TAF1: variants seen among roughly 807,000 people sequenced by gnomAD.
TAF1 encodes transcription initiation factor TFIID subunit 1.
TAF1 carries 2 observed loss-of-function variants against 138.5 expected under a neutral mutation model. The ratio of observed to expected loss-of-function variants is 0.01; its 90% CI spans 0.01 to 0.05. The LOEUF (loss-of-function observed/expected upper bound fraction) is 0.05. TAF1 is among the 10% of genes least tolerant of loss of function. The pLI, the probability that TAF1 is intolerant of heterozygous loss-of-function variation, is 1.00. For synonymous variants in TAF1, 437 were observed against 503.2 expected, an observed-to-expected ratio of 0.87 and a Z score of 1.76; for missense variants, 709 against 1,478.0, an observed-to-expected ratio of 0.48 and a Z score of 8.53.
chrX:71,452,781 G>C lies in TAF1; in HGVS notation c.4754-1389G>C, dbSNP rs780763312. On this transcript the variant is annotated intron_variant, in intron 32 of 37. Coordinates refer to ENST00000423759, the MANE Select transcript of TAF1 (RefSeq NM_004606.5). ...TCCAGCCTGGGCACCATTGAGCACT[G>C]AGTTAACGAGGCTCCGTCTGCAATC... Among the ~76,000 whole-genome samples the C allele has an allele frequency of 2.7e-5, 3 of 112,392 alleles. No homozygotes were observed. The East Asian group carries it at 8.4e-4, about 32-fold the overall frequency.
chrX:71,372,213 C>T (rs2033109220), intron 3 of TAF1, among the ~76,000 whole-genome samples: 1 of 110,449 alleles, frequency 9.1e-6, no homozygotes, highest in Non-Finnish European at 1.9e-5. Context: ...GGACGGATAA[C>T]TTGAGGTCAG....
chrX:71,486,908 A>G (rs1047318479), intron 13 of TAF1, among the ~76,000 whole-genome samples: 1 of 106,027 alleles, frequency 9.4e-6, no homozygotes, highest in Non-Finnish European at 1.9e-5. Flanking sequence ...AATTTTGTTG[A>G]TCTTGGAATC....
At chrX:71,399,284 TCTCA>T (rs1318874804) in intron 24 of TAF1, among the ~76,000 whole-genome samples, 7 of 82,622 alleles carry the variant, frequency 8.5e-5, no homozygotes, top group East Asian at 3.6e-4. Flanking sequence ...TGAAACAGAG[TCTCA>T]CTCTGTTGCC....
intron 29 of TAF1, among the ~76,000 whole-genome samples, chrX:71,422,896 C>A (rs952108970): frequency 3.6e-5 from 4 of 110,598 alleles, no homozygotes; most frequent in Non-Finnish European, 5.7e-5. Flanking sequence ...CCCGCCACCA[C>A]GCCCAGCTAG....
chrX:71,426,987 A>G (rs1210967518), intron 32 of TAF1, among the ~76,000 whole-genome samples: 18 of 112,241 alleles, frequency 1.6e-4, no homozygotes, highest in Admixed American at 1.4e-3. Context: ...CCACATGATT[A>G]TAAGACTTTT....
At chrX:71,430,039 A>G (rs1474117736) in intron 32 of TAF1, among the ~76,000 whole-genome samples, 1 of 111,946 alleles carries the variant, frequency 8.9e-6, no homozygotes, top group African/African-American at 3.2e-5. Flanking sequence ...TGTAATTGCA[A>G]AAACATGGAG....
At chrX:71,402,444 C>T (rs983203925) in intron 25 of TAF1, among the ~76,000 whole-genome samples, 1 of 111,593 alleles carries the variant, frequency 9.0e-6, no homozygotes, top group African/African-American at 3.3e-5. Context: ...GACAGGGTTT[C>T]GCCATGCTGG....
intron 8 of TAF1, among the ~76,000 whole-genome samples, chrX:71,380,549 C>T (rs2033814284): frequency 1.8e-5 from 2 of 110,711 alleles, no homozygotes; most frequent in Non-Finnish European, 3.8e-5. Context: ...AGGGGCATGC[C>T]ACCACGTCTG....
chrX:71,464,196 G>A lies in TAF1; in HGVS notation c.*150G>A, dbSNP rs2038668523. The A allele has an allele frequency of 1.6e-5, 8 of 516,068 alleles. No individual in the cohort carries two copies. The South Asian group carries it at 2.3e-4, about 15-fold the overall frequency. The allele number at this position is 516,068 out of a possible 1,213,427, so 42.5% of individuals were successfully genotyped here. On this transcript the variant is annotated 3_prime_UTR_variant, in exon 38 of 38. Coordinates refer to ENST00000423759, the MANE Select transcript of TAF1 (RefSeq NM_004606.5). ...GCCTTTTTAAAAGTAGTAAGTAAAT[G>A]ATAATAAATCACCTCTCCTAATCTT...
At chrX:71,407,910 G>A (rs2035558874) in intron 27 of TAF1, 64 bp from the exon 28 acceptor site, 2 of 1,158,490 alleles carry the variant, frequency 1.7e-6, no homozygotes, top group Admixed American at 5.1e-5. Context: ...AGATGTGAAA[G>A]TCTTCAGGAA....
At chrX:71,377,998 A>G in intron 6 of TAF1, 177 bp downstream of exon 6, 2 of 697,392 alleles carry the variant, frequency 2.9e-6, no homozygotes, top group Non-Finnish European at 4.1e-6. Flanking sequence ...ATTGTAAAAG[A>G]AAAATGTTTG....
chrX:71,367,709 C>T, intron 2 of TAF1, 96 bp downstream of exon 2: 1 of 1,014,316 alleles, frequency 9.9e-7, no homozygotes, highest in South Asian at 2.3e-5. Flanking sequence ...TTCGCTCTGT[C>T]TCCGAGGTTG....
At chrX:71,374,272 G>T (rs1207140496) in intron 3 of TAF1, among the ~76,000 whole-genome samples, 1 of 110,282 alleles carries the variant, frequency 9.1e-6, no homozygotes, top group Non-Finnish European at 1.9e-5. Flanking sequence ...TGACAGAGAT[G>T]GGGTTTTGTC....
At chrX:71,396,781 C>T (rs753794005) in intron 22 of TAF1, among the ~76,000 whole-genome samples, 1 of 109,970 alleles carries the variant, frequency 9.1e-6, no homozygotes, top group South Asian at 3.9e-4. Context: ...GCCTGTAATC[C>T]CAGCATGTTG....
rs145947031 is a variant in TAF1 at position 71,489,893 on chromosome X, C to T, written c.1366+29090C>T. Among the ~76,000 whole-genome samples the T allele has an allele frequency of 3.0e-3, 333 of 111,430 alleles. 3 individuals are homozygous for T. The highest frequency in any genetic ancestry group is 0.014 in the Middle Eastern group (3 of 219). On this transcript the variant is annotated intron_variant and NMD_transcript_variant, in intron 13 of 14. Transcript: ENST00000373775. ...GTAAGAAGCTGCTATGGTTTGAATG[C>T]GTCCCTTCTAAAATTCAGTTGTTGC...
intron 13 of TAF1, among the ~76,000 whole-genome samples, chrX:71,476,642 CTCTT>C (rs921465781): frequency 6.6e-5 from 7 of 106,665 alleles, no homozygotes; most frequent in African/African-American, 2.0e-4. Flanking sequence ...GACCCTCTCT[CTCTT>C]TCTCTCTCCC....
At position 71,459,924 on chromosome X, in the gene TAF1, T is replaced by C. The variant is rs990429890; in HGVS notation, c.5221+216T>C. On this transcript the variant is annotated intron_variant, in intron 36 of 37. Transcript: ENST00000423759. ...AGACAACAGTGGAAAAGACAGTGCC[T>C]AAGTAACAGCTTTGATCTGGATACT... Among the ~76,000 whole-genome samples the C allele has an allele frequency of 3.6e-5, 4 of 111,985 alleles. No individual in the cohort carries two copies. The East Asian group carries it at 1.1e-3, about 31-fold the overall frequency.
At chrX:71,423,698 A>G (rs1032814311) in intron 30 of TAF1, among the ~76,000 whole-genome samples, 5 of 111,889 alleles carry the variant, frequency 4.5e-5, no homozygotes, top group Non-Finnish European at 9.4e-5. Flanking sequence ...AATGTGTTCT[A>G]TATGTGTAAT....
At chrX:71,472,609 G>A (rs778069088) in intron 13 of TAF1, among the ~76,000 whole-genome samples, 57 of 111,300 alleles carry the variant, frequency 5.1e-4, no homozygotes, top group Non-Finnish European at 5.8e-4. Flanking sequence ...GCGCACACCT[G>A]TAATCCCAGC....
Sources: allele counts gnomAD v4.1 joint callset (sites outside exome capture counted in the v4.1 genomes callset), GRCh38; gene constraint gnomAD v4.1.1; transcripts MANE v1.5; gene names NCBI Gene and HGNC (gene_info 2026-07-23, HGNC 2026-07-21).